The following ELF5 variants were observed in gnomAD, a reference collection of about 807,000 sequenced individuals.
The protein encoded by ELF5 is E74 like ETS transcription factor 5.
A neutral mutation model predicts 38.2 loss-of-function variants in ELF5; 31 were observed. The observed-to-expected ratio is 0.81, with a 90% CI of 0.61 to 1.10. The LOEUF (loss-of-function observed/expected upper bound fraction) is 1.10. Ranked by LOEUF, ELF5 falls within the 50% of genes least tolerant of loss-of-function variation. The pLI, the probability that ELF5 is intolerant of heterozygous loss-of-function variation, is 0.00. For synonymous variants in ELF5, 121 were observed against 112.5 expected, an observed-to-expected ratio of 1.08 and a Z score of -0.48; for missense variants, 300 against 306.6, an observed-to-expected ratio of 0.98 and a Z score of 0.16.
chr11:34,508,559 G>T (rs1850671728), intron 1 of ELF5, among the ~76,000 whole-genome samples: 1 of 151,942 alleles, frequency 6.6e-6, no homozygotes, highest in African/African-American at 2.4e-5. Flanking sequence ...TTTTTAAGTG[G>T]TTACATTTTA....
chr11:34,499,077 C>T (rs1460557228), intron 2 of ELF5, among the ~76,000 whole-genome samples: 4 of 150,348 alleles, frequency 2.7e-5, no homozygotes, highest in South Asian at 2.1e-4. Context: ...GGTGATAGGA[C>T]GGAAACTCCA....
intron 1 of ELF5, among the ~76,000 whole-genome samples, chr11:34,511,363 T>G (rs1850750824): frequency 6.6e-6 from 1 of 152,140 alleles, no homozygotes; most frequent in Non-Finnish European, 1.5e-5. Context: ...CTGGGTACCT[T>G]AAACACTCTG....
intron 2 of ELF5, among the ~76,000 whole-genome samples, chr11:34,503,626 AT>A (rs1471288987): frequency 6.8e-6 from 1 of 147,798 alleles, no homozygotes; most frequent in Non-Finnish European, 1.5e-5. Flanking sequence ...TTTTTAAACA[AT>A]TTTTTGTAGA....
intron 3 of ELF5, chr11:34,491,786 G>C (rs971877980): frequency 6.6e-6 from 1 of 152,132 alleles, no homozygotes; most frequent in Non-Finnish European, 1.5e-5. Context: ...ATGTTGGCCA[G>C]GCTTGTCTCG....
At chr11:34,488,665 C>T (rs1850074115) in intron 4 of ELF5, among the ~76,000 whole-genome samples, 1 of 152,228 alleles carries the variant, frequency 6.6e-6, no homozygotes, top group Admixed American at 6.5e-5. Flanking sequence ...TTACTGGACA[C>T]ACCTTCTCTT....
intron 1 of ELF5, among the ~76,000 whole-genome samples, chr11:34,508,326 AC>A (rs796494959): frequency 1.5e-3 from 229 of 151,786 alleles, no homozygotes; most frequent in African/African-American, 5.2e-3. Flanking sequence ...ACATGGTGAA[AC>A]CCCCGTCTCT....
intron 2 of ELF5, among the ~76,000 whole-genome samples, chr11:34,497,328 A>G (rs1280451549): frequency 6.6e-6 from 1 of 152,212 alleles, no homozygotes; most frequent in Non-Finnish European, 1.5e-5. Context: ...CCAGTAGACC[A>G]TCATGGGCCT....
At chr11:34,509,853 G>T (rs1157166291) in intron 1 of ELF5, among the ~76,000 whole-genome samples, 2 of 152,134 alleles carry the variant, frequency 1.3e-5, no homozygotes, top group African/African-American at 4.8e-5. Flanking sequence ...AAGGAGAGGT[G>T]AATTCCACAC....
At chr11:34,486,084 G>C (rs1564975282) in intron 4 of ELF5, among the ~76,000 whole-genome samples, 2 of 152,078 alleles carry the variant, frequency 1.3e-5, no homozygotes, top group Admixed American at 6.6e-5. Flanking sequence ...ATTGTTTATT[G>C]CAAGCACTCC....
At chr11:34,500,660 T>C (rs983197265) in intron 2 of ELF5, among the ~76,000 whole-genome samples, 22 of 152,244 alleles carry the variant, frequency 1.4e-4, no homozygotes, top group African/African-American at 5.3e-4. Context: ...TGGCCAACAG[T>C]GAGTCCTCCT....
At chr11:34,511,737 C>A in intron 1 of ELF5, 1 of 755,332 alleles carries the variant, frequency 1.3e-6, no homozygotes, top group East Asian at 2.7e-5. Context: ...CTCCCATGGC[C>A]TGAGCAACCC....
chr11:34,480,632 T>C (rs1856914830), intron 6 of ELF5, 140 bp downstream of exon 6: 3 of 898,354 alleles, frequency 3.3e-6, no homozygotes, highest in Non-Finnish European at 5.0e-6. Context: ...TAATCCTACC[T>C]GTAACTAAGA....
At chr11:34,481,877 A>G (rs1590318944) in intron 5 of ELF5, among the ~76,000 whole-genome samples, 2 of 152,336 alleles carry the variant, frequency 1.3e-5, no homozygotes. Context: ...TTAATGATTT[A>G]ATACATACCA....
At chr11:34,505,363 T>G (rs1344762017) in intron 2 of ELF5, among the ~76,000 whole-genome samples, 1 of 152,224 alleles carries the variant, frequency 6.6e-6, no homozygotes, top group African/African-American at 2.4e-5. Flanking sequence ...ACATTTTACT[T>G]GGCAGCAAAA....
chr11:34,504,362 C>G (rs1487419101), intron 2 of ELF5, among the ~76,000 whole-genome samples: 1 of 152,168 alleles, frequency 6.6e-6, no homozygotes, highest in East Asian at 1.9e-4. Context: ...ATGCAATGAT[C>G]TAGACCTTAC....
intron 2 of ELF5, among the ~76,000 whole-genome samples, chr11:34,502,525 C>T (rs961029956): frequency 1.3e-5 from 2 of 152,248 alleles, no homozygotes; most frequent in South Asian, 2.1e-4. Flanking sequence ...CTAATCCTCC[C>T]ACCTGTGGAG....
At chr11:34,488,125 G>T (rs75201205) in intron 4 of ELF5, among the ~76,000 whole-genome samples, 5 of 152,180 alleles carry the variant, frequency 3.3e-5, no homozygotes, top group African/African-American at 4.8e-5. Context: ...AAAACATGCT[G>T]ATCTTTCCCT....
chr11:34,480,693 A>C (rs1298483411), intron 6 of ELF5, 79 bp downstream of exon 6: 7 of 1,502,298 alleles, frequency 4.7e-6, no homozygotes, highest in East Asian at 4.5e-5. Flanking sequence ...AAACCTGCAA[A>C]AACAGTGTAA....
intron 4 of ELF5, among the ~76,000 whole-genome samples, chr11:34,485,105 G>A (rs1367874951): frequency 6.6e-6 from 1 of 152,120 alleles, no homozygotes; most frequent in Non-Finnish European, 1.5e-5. Context: ...TTCACATAGA[G>A]TATCTCATTT....
Sources: gnomAD v4.1 joint callset for allele counts (sites outside exome capture counted in the v4.1 genomes callset) on GRCh38, gnomAD v4.1.1 for gene constraint, MANE v1.5 for transcripts, NCBI Gene and HGNC (gene_info 2026-07-23, HGNC 2026-07-21) for gene names.